Variants in CEP152 observed in about 807,000 individuals in gnomAD.
CEP152 encodes the protein centrosomal protein of 152 kDa.
In CEP152, 132 loss-of-function variants were observed where a neutral mutation model predicts 188.9. The ratio of observed to expected loss-of-function variants is 0.70; its 90% CI spans 0.61 to 0.81. The LOEUF is 0.81. Among genes scored for constraint, CEP152 ranks in the 30% least tolerant of loss-of-function variants. CEP152 has a pLI of 0.00. For synonymous variants in CEP152, 649 were observed against 666.6 expected (o/e 0.97, Z 0.41); for missense variants, 1,914 against 1,969.8 (o/e 0.97, Z 0.54).
intron 9 of CEP152, 131 bp from the exon 10 acceptor site, chr15:48,784,251 C>T (rs1896473036): frequency 3.5e-6 from 3 of 866,876 alleles, no homozygotes; most frequent in East Asian, 5.4e-5. Context: ...ACCTCTTTTA[C>T]AAGGTAAAGT....
chr15:48,751,600 C>T (rs180964912), intron 21 of CEP152, among the ~76,000 whole-genome samples: 1 of 152,138 alleles, frequency 6.6e-6, no homozygotes, highest in African/African-American at 2.4e-5. Context: ...ATTATTAGTT[C>T]TTTTCCAGGT....
chr15:48,781,989 T>G, intron 11 of CEP152, 150 bp downstream of exon 11: 1 of 707,942 alleles, frequency 1.4e-6, no homozygotes. Flanking sequence ...TTGCCAACTG[T>G]GTGAAGGAGA....
At chr15:48,769,950 A>C (rs1490148305) in intron 13 of CEP152, among the ~76,000 whole-genome samples, 1 of 152,202 alleles carries the variant, frequency 6.6e-6, no homozygotes, top group Non-Finnish European at 1.5e-5. Flanking sequence ...TTGATGGGAA[A>C]AGAATATCTA....
At chr15:48,743,437 G>T (rs923544515) in intron 24 of CEP152, among the ~76,000 whole-genome samples, 1 of 152,138 alleles carries the variant, frequency 6.6e-6, no homozygotes, top group Non-Finnish European at 1.5e-5. Context: ...CACACATCAG[G>T]AGAATGCTCT....
At chr15:48,796,224 G>C in intron 5 of CEP152, 64 bp from the exon 6 acceptor site, 2 of 1,579,836 alleles carry the variant, frequency 1.3e-6, no homozygotes, top group African/African-American at 1.3e-5. Context: ...ATCTGAATTA[G>C]ACACCTAAAT....
At position 48,738,007 on chromosome 15, in the gene CEP152, T is replaced by C. The variant is rs978561061; in HGVS notation, c.*242A>G. The stretch of plus-strand genomic sequence containing the variant: ...GTGAGTCAATTTATAAGTATAAAAA[T>C]AGATGGTTTAGAAACCAAAAATAAG... On this transcript the variant is annotated 3_prime_UTR_variant, in exon 27 of 27. Coordinates refer to ENST00000380950, the MANE Select transcript of CEP152 (RefSeq NM_001194998.2). 6 of 453,392 alleles carry C rather than the reference T, an allele frequency of 1.3e-5. No individual in the cohort carries two copies. Among genetic ancestry groups the C allele is most frequent in the African/African-American group, 3.9e-5 (2 of 51,166 alleles). 28.1% of individuals were successfully genotyped at this position (453,392 alleles called of 1,614,324 possible). A position where few individuals can be genotyped will look rare whatever the true frequency, so the allele number is the denominator to read the frequency against.
chr15:48,797,985 G>A lies in CEP152; in HGVS notation c.154C>T (p.Gln52Ter). The A allele has an allele frequency of 6.2e-7, 1 of 1,614,010 alleles. No homozygotes were observed. ...CCATCCTCGCTGCAGTCCGAATACT[G>A]GAGCTCTGGAGAGGAGAGGTCGTCA... ...LDDDLSSPEL[Q>*]YSDCSEDGTD... The change falls in exon 3 of 27, where the codon CAG becomes TAG. Residue 52 changes from glutamine (Q) to a stop codon, truncating the protein, a stop_gained. Coordinates refer to ENST00000380950, the MANE Select transcript of CEP152 (RefSeq NM_001194998.2). LOFTEE classifies it high-confidence loss of function.
In CEP152 at chr15:48,797,435, T is replaced by C. The variant is rs771482680; in HGVS notation, c.406A>G (p.Ser136Gly). 2.5e-6 allele frequency: 4 copies of C among 1,614,058 alleles called. No individual in the cohort carries two copies. Among genetic ancestry groups the C allele is most frequent in the African/African-American group, 1.3e-5 (1 of 74,944 alleles). ...DEGGSGYSPP[S>G]KCEQTDLYHL... is the part of the protein sequence containing the mutation. ...TATAAATCAGTCTGTTCACATTTAC[T>C]TGGAGGACTATAACCACTTCCACCT... Residue 136 changes from serine to glycine, a missense_variant, in exon 5 of 27, where the codon AGT becomes GGT. Coordinates refer to ENST00000380950, the MANE Select transcript of CEP152 (RefSeq NM_001194998.2).
chr15:48,773,835 A>C (rs993052172), intron 12 of CEP152, among the ~76,000 whole-genome samples: 1 of 152,232 alleles, frequency 6.6e-6, no homozygotes, highest in African/African-American at 2.4e-5. Context: ...ATTTTTAAAA[A>C]TACAGTAATA....
intron 17 of CEP152, among the ~76,000 whole-genome samples, chr15:48,764,949 T>C (rs1404657503): frequency 6.6e-6 from 1 of 151,986 alleles, no homozygotes; most frequent in Non-Finnish European, 1.5e-5. Flanking sequence ...TCACTTGTTC[T>C]AGAGTTTAGT....
chr15:48,750,930 TACCTTAAGCTGAATA>T (rs1380399919), intron 21 of CEP152, among the ~76,000 whole-genome samples: 3 of 152,164 alleles, frequency 2.0e-5, no homozygotes, highest in Non-Finnish European at 4.4e-5. Flanking sequence ...TGATGTTCTG[TACCTTAAGCTGAATA>T]ATGGGTTCCT....
chr15:48,740,183 TAC>T (rs2140552970), intron 26 of CEP152, among the ~76,000 whole-genome samples: 1 of 152,364 alleles, frequency 6.6e-6, no homozygotes, highest in African/African-American at 2.4e-5. Flanking sequence ...AGAAAACAAT[TAC>T]AGTTTCTTGG....
chr15:48,748,567 G>C lies in CEP152; in HGVS notation c.3510C>G (p.His1170Gln), dbSNP rs1455910928. 3 of 1,532,196 alleles carry C rather than the reference G, an allele frequency of 2.0e-6. No homozygotes were observed. Among genetic ancestry groups the C allele is most frequent in the Middle Eastern group, 1.7e-4 (1 of 5,974 alleles). The allele number at this position is 1,532,196 out of a possible 1,614,324, so 94.9% of individuals were successfully genotyped here. ...VLEIKDLCCGHCFQELEKAKQ... is the reference protein window; with the variant it reads ...VLEIKDLCCGQCFQELEKAKQ... Reference sequence around the variant, plus strand: ...TTGCCTTTTCAAGTTCTTGGAAGCAGTGTCCACAGCATAAATCCTTAATTT... The same window carrying C: ...TTGCCTTTTCAAGTTCTTGGAAGCACTGTCCACAGCATAAATCCTTAATTT... Residue 1170 changes from histidine to glutamine, a missense_variant, in exon 22 of 27, where the codon CAC becomes CAG. His to Gln is a conservative substitution (Grantham distance 24, BLOSUM62 0). Transcript: ENST00000380950.
Position 48,761,243 on chromosome 15 carries a change from A to G in CEP152, c.2563-977T>C, listed in dbSNP as rs539151869. On this transcript the variant is annotated intron_variant, in intron 18 of 26. Coordinates refer to ENST00000380950, the MANE Select transcript of CEP152 (RefSeq NM_001194998.2). Reference sequence around the variant, plus strand: ...ACTAACTGAAGATATCCTTGGCACCATTACATATATTTGCCTGTATTTCCA... The same window carrying G: ...ACTAACTGAAGATATCCTTGGCACCGTTACATATATTTGCCTGTATTTCCA... Among the ~76,000 whole-genome samples, 62 of 152,310 alleles carry G rather than the reference A, an allele frequency of 4.1e-4. 1 individual carries two copies. The South Asian group carries it at 0.012, about 31-fold the overall frequency.
At chr15:48,743,622 C>T (rs1479422240) in intron 24 of CEP152, among the ~76,000 whole-genome samples, 3 of 152,046 alleles carry the variant, frequency 2.0e-5, no homozygotes, top group Admixed American at 6.6e-5. Flanking sequence ...CAGCACTTTG[C>T]GAGGCCGAAG....
At chr15:48,788,409 C>T (rs1350375883) in intron 9 of CEP152, among the ~76,000 whole-genome samples, 3 of 145,824 alleles carry the variant, frequency 2.1e-5, no homozygotes, top group Admixed American at 7.1e-5. Flanking sequence ...TCTCAGCTCA[C>T]GGCAACCTCT....
At chr15:48,757,449 C>T (rs1894358274) in intron 19 of CEP152, among the ~76,000 whole-genome samples, 2 of 152,210 alleles carry the variant, frequency 1.3e-5, no homozygotes, top group East Asian at 3.8e-4. Context: ...GTAGTTATTA[C>T]TTTTGGATGC....
In CEP152 at chr15:48,738,962, C is replaced by G. The variant is rs377685429; in HGVS notation, c.4420G>C (p.Gly1474Arg). The change falls in exon 27 of 27, where the codon GGT becomes CGT. Residue 1474 changes from glycine (G) to arginine (R), a missense_variant. By Grantham distance (125) the Gly-to-Arg change is moderately radical. Coordinates refer to ENST00000380950, the MANE Select transcript of CEP152 (RefSeq NM_001194998.2). ...AGTAGGTCTTTCTTCTTGTGCAAAC[C>G]AAAGCCTCCTTCACCTTCACAAGGA... ...FVPCEGEGGF[G>R]LHKKKDLLSD... 1 of 1,613,932 alleles carries G rather than the reference C, an allele frequency of 6.2e-7. No individual in the cohort carries two copies. Among genetic ancestry groups the G allele is most frequent in the Non-Finnish European group, 8.5e-7 (1 of 1,179,890 alleles).
At chr15:48,762,035 C>T (rs776654820) in intron 18 of CEP152, among the ~76,000 whole-genome samples, 4 of 152,156 alleles carry the variant, frequency 2.6e-5, no homozygotes, top group Non-Finnish European at 5.9e-5. Context: ...TTATCTATAA[C>T]CACCTTAGTG....
Sources: gnomAD v4.1 joint callset for allele counts (sites outside exome capture counted in the v4.1 genomes callset) on GRCh38, gnomAD v4.1.1 for gene constraint, MANE v1.5 for transcripts, NCBI Gene and HGNC (gene_info 2026-07-23, HGNC 2026-07-21) for gene names.